CTNND2: variants seen among roughly 807,000 people sequenced by gnomAD.
CTNND2 encodes the protein catenin delta-2.
A neutral mutation model predicts 144.4 loss-of-function variants in CTNND2; 22 were observed. The ratio of observed to expected loss-of-function variants is 0.15; its 90% CI spans 0.11 to 0.22. CTNND2 has a LOEUF of 0.22. Among genes scored for constraint, CTNND2 ranks in the 10% least tolerant of loss-of-function variants. The pLI is 1.00. For synonymous variants in CTNND2, 751 were observed against 695.6 expected (o/e 1.08, Z -1.25); for missense variants, 1,353 against 1,618.8 (o/e 0.84, Z 2.82).
intron 15 of CTNND2, among the ~76,000 whole-genome samples, chr5:11,086,150 C>A (rs1750113068): frequency 6.6e-6 from 1 of 152,110 alleles, no homozygotes; most frequent in Non-Finnish European, 1.5e-5. Context: ...GGAGACACAT[C>A]AGTGGAGCAC....
chr5:11,280,259 T>G (rs920714300), intron 9 of CTNND2, among the ~76,000 whole-genome samples: 1 of 152,176 alleles, frequency 6.6e-6, no homozygotes, highest in Non-Finnish European at 1.5e-5. Flanking sequence ...ACCAACCTAC[T>G]AAAAGAAGAT....
intron 1 of CTNND2, among the ~76,000 whole-genome samples, chr5:11,776,325 G>GTTAAAATAGCCAA (rs1269379532): frequency 6.6e-6 from 1 of 152,146 alleles, no homozygotes; most frequent in Non-Finnish European, 1.5e-5. Flanking sequence ...AAGACAAGGA[G>GTTAAAATAGCCAA]TTAAAATAGC....
intron 1 of CTNND2, among the ~76,000 whole-genome samples, chr5:11,847,822 A>G (rs1794819309): frequency 2.0e-5 from 3 of 152,130 alleles, no homozygotes; most frequent in African/African-American, 7.2e-5. Flanking sequence ...CAATGTGGAA[A>G]TAGATACTGA....
At chr5:11,567,471 T>C (rs1381763258) in intron 2 of CTNND2, among the ~76,000 whole-genome samples, 2 of 152,228 alleles carry the variant, frequency 1.3e-5, no homozygotes, top group East Asian at 3.8e-4. Context: ...ATGACTCCAA[T>C]TAAGTGCATT....
chr5:11,529,507 G>A (rs1248038813), intron 3 of CTNND2, among the ~76,000 whole-genome samples: 2 of 152,014 alleles, frequency 1.3e-5, no homozygotes. Flanking sequence ...TGGCACTCAA[G>A]AAAAACTCAC....
At chr5:11,872,726 G>T (rs941863606) in intron 1 of CTNND2, among the ~76,000 whole-genome samples, 3 of 152,086 alleles carry the variant, frequency 2.0e-5, no homozygotes, top group Non-Finnish European at 4.4e-5. Context: ...TTTTGATGGG[G>T]TTGTTTTTTT....
intron 1 of CTNND2, among the ~76,000 whole-genome samples, chr5:11,759,653 A>T (rs1398965313): frequency 6.6e-6 from 1 of 152,178 alleles, no homozygotes; most frequent in East Asian, 1.9e-4. Flanking sequence ...CTATACATGG[A>T]TTGTTATACA....
chr5:11,761,805 T>C (rs1424581540), intron 1 of CTNND2, among the ~76,000 whole-genome samples: 1 of 152,162 alleles, frequency 6.6e-6, no homozygotes, highest in Non-Finnish European at 1.5e-5. Flanking sequence ...CACTATTTTA[T>C]ACAAAAAATG....
intron 2 of CTNND2, among the ~76,000 whole-genome samples, chr5:11,692,659 T>A (rs1034773388): frequency 6.6e-6 from 1 of 152,248 alleles, no homozygotes; most frequent in African/African-American, 2.4e-5. Context: ...TGGAGTGCAG[T>A]GGCACGATCT....
At chr5:11,218,719 A>G (rs1285514315) in intron 10 of CTNND2, among the ~76,000 whole-genome samples, 1 of 152,236 alleles carries the variant, frequency 6.6e-6, no homozygotes, top group Non-Finnish European at 1.5e-5. Context: ...AAGTCAACCC[A>G]GAAAAGCTGA....
chr5:11,408,869 T>C (rs1428062786), intron 5 of CTNND2, among the ~76,000 whole-genome samples: 2 of 152,046 alleles, frequency 1.3e-5, no homozygotes, highest in Non-Finnish European at 2.9e-5. Flanking sequence ...GAAAAAAATA[T>C]CATCTATTTA....
intron 12 of CTNND2, among the ~76,000 whole-genome samples, chr5:11,120,700 T>C (rs923882629): frequency 5.3e-5 from 8 of 151,334 alleles, no homozygotes; most frequent in Admixed American, 4.0e-4. Flanking sequence ...TCAGTATACA[T>C]ACAGACTTCA....
chr5:11,441,709 T>C (rs1311293386), intron 3 of CTNND2, among the ~76,000 whole-genome samples: 1 of 142,014 alleles, frequency 7.0e-6, no homozygotes, highest in East Asian at 2.1e-4. Context: ...CTATCCAATA[T>C]AGGATTAATA....
chr5:11,457,708 T>C (rs558738035), intron 3 of CTNND2, among the ~76,000 whole-genome samples: 1 of 152,320 alleles, frequency 6.6e-6, no homozygotes, highest in Admixed American at 6.5e-5. Context: ...TCTCTATCCA[T>C]GCACAGGACA....
At chr5:11,145,413 A>T (rs1757148690) in intron 12 of CTNND2, among the ~76,000 whole-genome samples, 3 of 152,108 alleles carry the variant, frequency 2.0e-5, no homozygotes, top group Admixed American at 2.0e-4. Flanking sequence ...CAGAGAGGCT[A>T]CCTCAGTGGC....
chr5:11,143,376 G>A (rs1405135953), intron 12 of CTNND2, among the ~76,000 whole-genome samples: 1 of 152,132 alleles, frequency 6.6e-6, no homozygotes, highest in African/African-American at 2.4e-5. Flanking sequence ...GGTGTCTGCA[G>A]GGTTGGTTCT....
chr5:11,829,697 T>C (rs921488475), intron 1 of CTNND2, among the ~76,000 whole-genome samples: 1 of 152,200 alleles, frequency 6.6e-6, no homozygotes, highest in African/African-American at 2.4e-5. Context: ...ACTCGGGCAG[T>C]GCAGAAGGGA....
At chr5:11,116,470 CTT>C (rs1382470257) in intron 13 of CTNND2, among the ~76,000 whole-genome samples, 1 of 152,206 alleles carries the variant, frequency 6.6e-6, no homozygotes, top group African/African-American at 2.4e-5. Flanking sequence ...ACCTGCATTA[CTT>C]TATGACTATT....
At chr5:11,261,646 G>A (rs187678247) in intron 9 of CTNND2, among the ~76,000 whole-genome samples, 30 of 152,316 alleles carry the variant, frequency 2.0e-4, no homozygotes, top group African/African-American at 6.3e-4. Flanking sequence ...AAACATCCTC[G>A]TGTCTCACCC....
Sources: allele counts gnomAD v4.1 joint callset (sites outside exome capture counted in the v4.1 genomes callset), GRCh38; gene constraint gnomAD v4.1.1; transcripts MANE v1.5; gene names NCBI Gene and HGNC (gene_info 2026-07-23, HGNC 2026-07-21).